Variants in UNK observed in about 807,000 individuals in gnomAD.
The protein encoded by UNK is unk zinc finger.
Under a neutral mutation model 97.6 loss-of-function variants are expected in UNK, and 32 were observed. The observed-to-expected ratio is 0.33, with a 90% CI of 0.25 to 0.44. The LOEUF (loss-of-function observed/expected upper bound fraction) is 0.44, where lower values mean the gene tolerates loss of function less well. Ranked by LOEUF, UNK falls within the 20% of genes least tolerant of loss-of-function variation. The probability of loss-of-function intolerance (pLI) is 1.00; values close to 1 mark genes in which losing one functional copy is unlikely to be tolerated. For synonymous variants in UNK, 441 were observed against 461.2 expected, an observed-to-expected ratio of 0.96 and a Z score of 0.56; for missense variants, 771 against 1,098.4, an observed-to-expected ratio of 0.70 and a Z score of 4.21.
chr17:75,802,762 G>C (rs2061873100), intron 1 of UNK, among the ~76,000 whole-genome samples: 1 of 152,156 alleles, frequency 6.6e-6, no homozygotes. Flanking sequence ...ATTTTTGTTT[G>C]AGAGTGTTAG....
At chr17:75,786,684 C>T (rs568905856) in intron 1 of UNK, among the ~76,000 whole-genome samples, 10 of 152,242 alleles carry the variant, frequency 6.6e-5, no homozygotes, top group Admixed American at 2.0e-4. Flanking sequence ...GGCAAAACCC[C>T]GTCTCTACTA....
At position 75,818,031 on chromosome 17, in the gene UNK, AGCCTCAGGGTCAGATG is replaced by A; in HGVS notation, c.1306-70_1306-55del. ...CCACCACCTGCCCCCTGGTACCTGC[AGCCTCAGGGTCAGATG>A]GACTCAGGGACCCCCCAGCACCACA... On this transcript the variant is annotated intron_variant, in intron 9 of 15. Coordinates refer to ENST00000589666, the MANE Select transcript of UNK (RefSeq NM_001080419.3). This position sits in a 1 kb window ranked among gnomAD's most constrained non-coding sequence, Gnocchi z 5.1. 1 of 1,487,750 alleles carries A rather than the reference AGCCTCAGGGTCAGATG, an allele frequency of 6.7e-7. No homozygotes were observed. The highest frequency in any genetic ancestry group is 9.4e-7 in the Non-Finnish European group (1 of 1,069,236). 92.2% of individuals were successfully genotyped at this position (1,487,750 alleles called of 1,614,324 possible).
At chr17:75,794,638 C>CAAAA (rs57508407) in intron 1 of UNK, among the ~76,000 whole-genome samples, 5 of 123,484 alleles carry the variant, frequency 4.0e-5, no homozygotes, top group Non-Finnish European at 7.1e-5. Context: ...AACTCCGTCT[C>CAAAA]AAAAAAAAAA....
At chr17:75,813,263 G>C (rs1292337533) in intron 5 of UNK, 50 bp downstream of exon 5, 1 of 1,537,082 alleles carries the variant, frequency 6.5e-7, no homozygotes, top group South Asian at 1.2e-5. Context: ...TGGCAGGGAA[G>C]GGGTCAGGCA....
intron 14 of UNK, 88 bp downstream of exon 14, chr17:75,822,746 G>A (rs2062080562): frequency 7.2e-7 from 1 of 1,380,718 alleles, no homozygotes; most frequent in Non-Finnish European, 9.5e-7. Flanking sequence ...GTGGGGTGGG[G>A]GAAAGCGGGG....
chr17:75,810,759 C>T (rs926685107), intron 2 of UNK, among the ~76,000 whole-genome samples: 2 of 151,924 alleles, frequency 1.3e-5, no homozygotes, highest in Admixed American at 1.3e-4. Context: ...GCCTCAGCCT[C>T]CCAAGTAGCT....
Position 75,823,467 on chromosome 17 carries a change from C to T in UNK, c.2222C>T (p.Ser741Phe). Residue 741 changes from serine (S) to phenylalanine (F), a missense_variant, in exon 15 of 16, where the codon TCC becomes TTC. By Grantham distance (155) the Ser-to-Phe change is radical. Coordinates refer to ENST00000589666, the MANE Select transcript of UNK (RefSeq NM_001080419.3). ...TCCGACCTGGAGGCGCTCTCACTCT[C>T]CACCCTCTACTCCCTCCAGAAACAA... ...AFSDLEALSL[S>F]TLYSLQKQLR... 4 of 1,580,950 alleles carry T rather than the reference C, an allele frequency of 2.5e-6. No homozygotes were observed. The highest frequency in any genetic ancestry group is 8.6e-7 in the Non-Finnish European group (1 of 1,160,200).
intron 1 of UNK, among the ~76,000 whole-genome samples, chr17:75,797,521 TA>T (rs1354552933): frequency 6.6e-6 from 1 of 152,242 alleles, no homozygotes; most frequent in Non-Finnish European, 1.5e-5. Flanking sequence ...AGGCATGAGC[TA>T]CCACACCTGG....
In UNK at chr17:75,824,431, GC is replaced by G; in HGVS notation, c.*17del. On this transcript the variant is annotated 3_prime_UTR_variant, in exon 16 of 16. Coordinates refer to ENST00000589666, the MANE Select transcript of UNK (RefSeq NM_001080419.3). This position sits in a 1 kb window ranked among gnomAD's most constrained non-coding sequence, Gnocchi z 4.9. ...CTCCAGTCGTGACCCTGCAGGCCTGGCCCAGCCTGGCCCAGATCTTCTCACC... is the reference window on the plus strand; with the variant it reads ...CTCCAGTCGTGACCCTGCAGGCCTGGCCAGCCTGGCCCAGATCTTCTCACC... 1 of 1,452,080 alleles carries G rather than the reference GC, an allele frequency of 6.9e-7. No individual in the cohort carries two copies. The allele number at this position is 1,452,080 out of a possible 1,614,324, so 89.9% of individuals were successfully genotyped here. A position where few individuals can be genotyped will look rare whatever the true frequency, so the allele number is the denominator to read the frequency against.
intron 1 of UNK, among the ~76,000 whole-genome samples, chr17:75,802,231 A>G (rs2061866729): frequency 1.8e-5 from 2 of 112,562 alleles, no homozygotes; most frequent in African/African-American, 3.1e-5. Flanking sequence ...GGATTTTTTC[A>G]GCACAGATGT....
intron 1 of UNK, among the ~76,000 whole-genome samples, chr17:75,787,771 G>A (rs1394636891): frequency 6.6e-6 from 1 of 151,422 alleles, no homozygotes; most frequent in African/African-American, 2.4e-5. Context: ...GTTGCAGTGA[G>A]CAGAGATTGT....
rs375821685 is a variant in UNK, at chr17:75,816,573, A to T, written c.962-197A>T. ...CTGGTATCTTCTGGTCACCATGAAG[A>T]TTCACAATTACTGCAAAGTGCTGGC... On this transcript the variant is annotated intron_variant, in intron 7 of 15. Transcript: ENST00000589666. This position sits in a 1 kb window ranked among gnomAD's most constrained non-coding sequence, Gnocchi z 4.0. 5.3e-4 allele frequency among the ~76,000 whole-genome samples: 81 copies of T among 152,352 alleles called. No individual in the cohort carries two copies. The highest frequency in any genetic ancestry group is 3.4e-3 in the Middle Eastern group (1 of 294).
At chr17:75,793,784 A>C in intron 1 of UNK, 1 of 985,382 alleles carries the variant, frequency 1.0e-6, no homozygotes, top group Non-Finnish European at 1.2e-6. Flanking sequence ...AAGGAGGGGG[A>C]AGGTCCATGT....
At chr17:75,811,715 G>A (rs954024791) in intron 2 of UNK, among the ~76,000 whole-genome samples, 18 of 152,186 alleles carry the variant, frequency 1.2e-4, no homozygotes, top group Admixed American at 4.6e-4. Flanking sequence ...AAGGCCAGGC[G>A]CAGTGGCTCA....
At chr17:75,792,885 G>A (rs997042546) in intron 1 of UNK, among the ~76,000 whole-genome samples, 8 of 152,176 alleles carry the variant, frequency 5.3e-5, no homozygotes, top group Non-Finnish European at 8.8e-5. Context: ...CCATAGAGAG[G>A]GCTTCAAGCG....
At chr17:75,794,149 A>G in intron 1 of UNK, 1 of 975,660 alleles carries the variant, frequency 1.0e-6, no homozygotes, top group Non-Finnish European at 1.2e-6. Flanking sequence ...GTACTTTATA[A>G]TGAATACAAA....
Position 75,820,075 on chromosome 17 carries a change from T to C in UNK, c.1804T>C (p.Phe602Leu). 1 of 1,613,186 alleles carries C rather than the reference T, an allele frequency of 6.2e-7. No individual in the cohort carries two copies. The highest frequency in any genetic ancestry group is 8.5e-7 in the Non-Finnish European group (1 of 1,179,522). Residue 602 changes from phenylalanine (F) to leucine (L), a missense_variant, in exon 13 of 16, where the codon TTT becomes CTT. Coordinates refer to ENST00000589666, the MANE Select transcript of UNK (RefSeq NM_001080419.3). ...QGHLSQSENTFLGTSASHGSL... is the reference protein window; with the variant it reads ...QGHLSQSENTLLGTSASHGSL... ...CCACCTGAGTCAGTCGGAAAACACA[T>C]TTTTGGGAACCTCAGCATCACATGG... is the stretch of plus-strand genomic sequence containing the variant.
intron 1 of UNK, among the ~76,000 whole-genome samples, chr17:75,808,493 AC>A (rs1454241729): frequency 6.6e-6 from 1 of 152,036 alleles, no homozygotes; most frequent in African/African-American, 2.4e-5. Flanking sequence ...AGCTCTTAGA[AC>A]CAGACATACT....
chr17:75,794,115 G>A lies in UNK; in HGVS notation c.104+9131G>A, dbSNP rs564310894. 1.3e-5 allele frequency: 13 copies of A among 981,138 alleles called. No homozygotes were observed. The South Asian group carries it at 3.8e-4, about 29-fold the overall frequency. 60.8% of individuals were successfully genotyped at this position (981,138 alleles called of 1,614,324 possible). A position where few individuals can be genotyped will look rare whatever the true frequency, so the allele number is the denominator to read the frequency against. On this transcript the variant is annotated intron_variant, in intron 1 of 15. Transcript: ENST00000589666. The stretch of plus-strand genomic sequence containing the variant: ...ATTTCCTGATTAAAAACAAAGTAAC[G>A]TCTGTTTTACTATTGAAGTAAGAGT...
Sources: allele counts gnomAD v4.1 joint callset (sites outside exome capture counted in the v4.1 genomes callset), GRCh38; gene constraint gnomAD v4.1.1; non-coding constraint Gnocchi (gnomAD v3.1); transcripts MANE v1.5; gene names NCBI Gene and HGNC (gene_info 2026-07-23, HGNC 2026-07-21).